The following NALCN variants were observed in gnomAD, a reference collection of about 807,000 sequenced individuals.
The protein encoded by NALCN is sodium leak channel, non-selective, also known as sodium leak channel NALCN.
NALCN carries 111 observed loss-of-function variants against 225.3 expected under a neutral mutation model. The ratio of observed to expected loss-of-function variants is 0.49; its 90% CI spans 0.42 to 0.58. The LOEUF (loss-of-function observed/expected upper bound fraction) is 0.58. Among genes scored for constraint, NALCN ranks in the 20% least tolerant of loss-of-function variants. NALCN has a pLI of 0.00. For synonymous variants in NALCN, 764 were observed against 769.0 expected (o/e 0.99, Z 0.11); for missense variants, 1,378 against 2,202.4 (o/e 0.63, Z 7.49).
At chr13:101,404,438 A>C (rs2047561094) in intron 1 of NALCN, among the ~76,000 whole-genome samples, 1 of 152,252 alleles carries the variant, frequency 6.6e-6, no homozygotes, top group African/African-American at 2.4e-5. Context: ...TAGAAAAACT[A>C]TATAAACAAA....
chr13:101,377,124 A>G (rs1163676438), intron 4 of NALCN, 68 bp from the exon 5 acceptor site: 20 of 1,595,862 alleles, frequency 1.3e-5, no homozygotes, highest in East Asian at 2.3e-5. Flanking sequence ...CATGGAACAT[A>G]CAGATGTTAG....
chr13:101,364,389 A>C (rs2046327868), intron 6 of NALCN, among the ~76,000 whole-genome samples: 1 of 152,176 alleles, frequency 6.6e-6, no homozygotes, highest in Admixed American at 6.6e-5. Context: ...CAGTGTTAAT[A>C]CTATTCAGCC....
At chr13:101,343,497 T>C (rs112813455) in intron 7 of NALCN, among the ~76,000 whole-genome samples, 323 of 152,280 alleles carry the variant, frequency 2.1e-3, no homozygotes, top group Non-Finnish European at 3.9e-3. Context: ...TGGTTACCAA[T>C]GAATTAAAAA....
In NALCN at chr13:101,074,508, A is replaced by C; in HGVS notation, c.4103+6T>G. The C allele has an allele frequency of 6.2e-7, 1 of 1,600,592 alleles. No homozygotes were observed. Among genetic ancestry groups the C allele is most frequent in the Non-Finnish European group, 8.5e-7 (1 of 1,176,408 alleles). ...TAAATGAATAGAAAGATAAGTATATACCAACCTGTTAATATTCTCCCCATA... is the reference window on the plus strand; with the variant it reads ...TAAATGAATAGAAAGATAAGTATATCCCAACCTGTTAATATTCTCCCCATA... On this transcript the variant is annotated splice_donor_region_variant and intron_variant, in intron 36 of 43. Transcript: ENST00000251127.
At chr13:101,365,699 A>G (rs945832098) in intron 6 of NALCN, among the ~76,000 whole-genome samples, 1 of 152,158 alleles carries the variant, frequency 6.6e-6, no homozygotes, top group Non-Finnish European at 1.5e-5. Context: ...GAGATTCCTT[A>G]AAATCGAATA....
At chr13:101,074,720 CAGAGAG>C (rs71200721) in intron 35 of NALCN, 58 bp from the exon 36 acceptor site, 88 of 1,343,008 alleles carry the variant, frequency 6.6e-5, no homozygotes, top group South Asian at 1.8e-4. Flanking sequence ...GAGACAGAGA[CAGAGAG>C]AGAGAGAGAG....
intron 12 of NALCN, among the ~76,000 whole-genome samples, chr13:101,236,218 A>C (rs1235744393): frequency 1.3e-5 from 2 of 152,214 alleles, no homozygotes; most frequent in Non-Finnish European, 2.9e-5. Context: ...ATGAGATACC[A>C]TCTCACACCA....
intron 13 of NALCN, among the ~76,000 whole-genome samples, chr13:101,219,536 G>C (rs989089276): frequency 1.3e-5 from 2 of 152,130 alleles, no homozygotes; most frequent in African/African-American, 4.8e-5. Flanking sequence ...TGCTGTTTCT[G>C]CTGTGGCACA....
rs2034147456 is a variant in NALCN at position 101,090,100 on chromosome 13, A to G, written c.3270-134T>C. The G allele has an allele frequency of 2.3e-6, 3 of 1,286,908 alleles. No individual in the cohort carries two copies. In the Admixed American group the frequency reaches 6.5e-5, roughly 28 times the overall value. 79.7% of individuals were successfully genotyped at this position (1,286,908 alleles called of 1,614,324 possible). ...TATATACACACACATATATACACAC[A>G]CACGTGTGCGTGCACACACACATAC... is the stretch of plus-strand genomic sequence containing the variant. On this transcript the variant is annotated intron_variant, in intron 28 of 43. Transcript: ENST00000251127.
rs190381065 is a variant in NALCN at position 101,309,149 on chromosome 13, A to G, written c.800-16783T>C. On this transcript the variant is annotated intron_variant, in intron 7 of 43. Coordinates refer to ENST00000251127, the MANE Select transcript of NALCN (RefSeq NM_052867.4). The stretch of plus-strand genomic sequence containing the variant: ...TTATACTTTAATTTGTCCCATTTCA[A>G]GGCTTTAAAAATCTTGCCAAAATAA... 4.7e-3 allele frequency among the ~76,000 whole-genome samples: 722 copies of G among 152,324 alleles called. 10 individuals are homozygous for G. Among genetic ancestry groups the G allele is most frequent in the African/African-American group, 0.016 (680 of 41,568 alleles).
intron 7 of NALCN, among the ~76,000 whole-genome samples, chr13:101,294,544 G>T: frequency 6.7e-6 from 1 of 148,832 alleles, no homozygotes. Flanking sequence ...GATTATAATG[G>T]CTAAGTTTAT....
chr13:101,089,572 G>T lies in NALCN; in HGVS notation c.3489+91C>A. The T allele has an allele frequency of 8.9e-7, 1 of 1,124,882 alleles. No individual in the cohort carries two copies. Among genetic ancestry groups the T allele is most frequent in the Non-Finnish European group, 1.3e-6 (1 of 764,838 alleles). 69.7% of individuals were successfully genotyped at this position (1,124,882 alleles called of 1,614,324 possible). ...ACCAGTCACATTACAGTTTAAAGCG[G>T]CTTCACGCCGCGTGTGAAAAGAAAC... On this transcript the variant is annotated intron_variant, in intron 30 of 43. Transcript: ENST00000251127. The surrounding 1 kb of genome is among the most constrained non-coding windows in gnomAD (Gnocchi z 4.7).
Position 101,089,533 on chromosome 13 carries a change from T to C in NALCN, c.3489+130A>G, listed in dbSNP as rs546309444. The C allele has an allele frequency of 8.3e-6, 6 of 726,848 alleles. No individual in the cohort carries two copies. The East Asian group carries it at 1.1e-4, about 13-fold the overall frequency. 45.0% of individuals were successfully genotyped at this position (726,848 alleles called of 1,614,324 possible). On this transcript the variant is annotated intron_variant, in intron 30 of 43. Transcript: ENST00000251127. The surrounding 1 kb of genome is among the most constrained non-coding windows in gnomAD (Gnocchi z 4.7). ...AATGAGGGAGCTTGTAAAACAGTTA[T>C]AGAGATTATTTACACCAGTCACATT...
intron 34 of NALCN, among the ~76,000 whole-genome samples, chr13:101,080,842 A>G (rs1247498485): frequency 6.6e-6 from 1 of 151,620 alleles, no homozygotes; most frequent in African/African-American, 2.4e-5. Flanking sequence ...GCTTCTAGAA[A>G]ATGTTAAGTG....
At chr13:101,057,769 T>C (rs1356287982) in intron 43 of NALCN, 170 bp downstream of exon 43, 3 of 648,402 alleles carry the variant, frequency 4.6e-6, no homozygotes, top group Non-Finnish European at 5.5e-6. Context: ...TTTAGAGAAG[T>C]TATTTTGGGG....
At chr13:101,245,360 T>A (rs1594516526) in intron 11 of NALCN, among the ~76,000 whole-genome samples, 1 of 152,320 alleles carries the variant, frequency 6.6e-6, no homozygotes, top group East Asian at 1.9e-4. Context: ...AAGAGAAATA[T>A]TTATTTCTTC....
chr13:101,114,306 T>C (rs937196639), intron 18 of NALCN, among the ~76,000 whole-genome samples: 3 of 152,218 alleles, frequency 2.0e-5, no homozygotes, highest in Admixed American at 6.5e-5. Context: ...AAGATGATTA[T>C]GAATGTGACA....
intron 10 of NALCN, among the ~76,000 whole-genome samples, chr13:101,261,547 C>T (rs942255845): frequency 6.6e-6 from 1 of 152,048 alleles, no homozygotes; most frequent in Admixed American, 6.5e-5. Flanking sequence ...TGATAGTGTT[C>T]ATTATGGAGA....
chr13:101,413,018 A>G (rs890610153), intron 1 of NALCN, among the ~76,000 whole-genome samples: 93 of 152,300 alleles, frequency 6.1e-4, no homozygotes, highest in Middle Eastern at 3.4e-3. Context: ...AAGTTTTTAT[A>G]TAGCACAAAG....
Sources: gnomAD v4.1 joint callset for allele counts (sites outside exome capture counted in the v4.1 genomes callset) on GRCh38, gnomAD v4.1.1 for gene constraint, Gnocchi (gnomAD v3.1) non-coding constraint, MANE v1.5 for transcripts, NCBI Gene and HGNC (gene_info 2026-07-23, HGNC 2026-07-21) for gene names.